The following PARD3 variants were observed in gnomAD, a reference collection of about 807,000 sequenced individuals.
The protein encoded by PARD3 is partitioning defective 3 homolog.
Under a neutral mutation model 155.4 loss-of-function variants are expected in PARD3, and 75 were observed. The ratio of observed to expected loss-of-function variants is 0.48; its 90% CI spans 0.40 to 0.58. PARD3 has a LOEUF of 0.58. Ranked by LOEUF, PARD3 falls within the 20% of genes least tolerant of loss-of-function variation. The pLI is 0.00. For synonymous variants in PARD3, 576 were observed against 610.5 expected, an observed-to-expected ratio of 0.94 and a Z score of 0.83; for missense variants, 1,642 against 1,721.7, an observed-to-expected ratio of 0.95 and a Z score of 0.82.
At chr10:34,723,762 A>AGTTCT in intron 1 of PARD3, among the ~76,000 whole-genome samples, 1 of 152,318 alleles carries the variant, frequency 6.6e-6, no homozygotes, top group Admixed American at 6.5e-5. Flanking sequence ...ATGCTCAAGT[A>AGTTCT]TTGATCACGG....
chr10:34,717,670 G>C (rs1254045049), intron 1 of PARD3, among the ~76,000 whole-genome samples: 2 of 151,914 alleles, frequency 1.3e-5, no homozygotes, highest in Non-Finnish European at 2.9e-5. Context: ...GAGCGTCCAC[G>C]TGGCTACTAC....
At chr10:34,177,232 T>G (rs1223751036) in intron 22 of PARD3, among the ~76,000 whole-genome samples, 2 of 152,220 alleles carry the variant, frequency 1.3e-5, no homozygotes, top group East Asian at 3.8e-4. Context: ...AATTTCACCA[T>G]AGCCCAGCAG....
chr10:34,382,702 C>T lies in PARD3; in HGVS notation c.1237G>A (p.Glu413Lys). Residue 413 changes from glutamate (E) to lysine (K), a missense_variant, in exon 9 of 25, where the codon GAG (glutamate) becomes AAG (lysine). This residue lies in a region of PARD3 where 1,529 missense variants were observed against 1,587.3 expected (regional missense o/e 0.96). Coordinates refer to ENST00000374788, the MANE Select transcript of PARD3 (RefSeq NM_001184785.2). ...AGTCTTGAGTGAGAGTCTATCTGCT[C>T]AGGCGGGTGGTTCAGTCGGGGTGCT... ...QRAPRLNHPP[E>K]QIDSHSRLPH... 1 of 1,614,180 alleles carries T rather than the reference C, an allele frequency of 6.2e-7. No individual in the cohort carries two copies. The highest frequency in any genetic ancestry group is 8.5e-7 in the Non-Finnish European group (1 of 1,180,036).
Position 34,243,139 on chromosome 10 carries a change from T to C in PARD3, c.3419+26518A>G, listed in dbSNP as rs140393178. On this transcript the variant is annotated intron_variant, in intron 22 of 24. Coordinates refer to ENST00000374788, the MANE Select transcript of PARD3 (RefSeq NM_001184785.2). ...AGAAAACAATTTTATATTGGGAATC[T>C]AAAAATAATCTATTTTACCACTATA... 9.2e-5 allele frequency among the ~76,000 whole-genome samples: 14 copies of C among 152,344 alleles called. No individual in the cohort carries two copies. The East Asian group carries it at 2.7e-3, about 29-fold the overall frequency.
intron 14 of PARD3, among the ~76,000 whole-genome samples, chr10:34,350,874 C>T (rs1044029015): frequency 6.6e-6 from 1 of 152,004 alleles, no homozygotes; most frequent in Non-Finnish European, 1.5e-5. Context: ...AACCCACACT[C>T]GGTAGGAGTG....
intron 22 of PARD3, among the ~76,000 whole-genome samples, chr10:34,179,154 G>A (rs1382473422): frequency 3.5e-5 from 5 of 142,840 alleles, no homozygotes; most frequent in Non-Finnish European, 6.0e-5. Context: ...TTTATAGCAC[G>A]CATGTGCGTG....
chr10:34,655,166 G>T (rs2093131106), intron 2 of PARD3, among the ~76,000 whole-genome samples: 1 of 151,498 alleles, frequency 6.6e-6, no homozygotes, highest in Admixed American at 6.6e-5. Context: ...CTGTGTTATA[G>T]TTACAATTTG....
At chr10:34,672,378 G>C (rs1247586882) in intron 2 of PARD3, among the ~76,000 whole-genome samples, 1 of 152,196 alleles carries the variant, frequency 6.6e-6, no homozygotes, top group Non-Finnish European at 1.5e-5. Context: ...TAACCAAGCA[G>C]CTACAGGTTC....
chr10:34,296,744 A>G (rs1388113049), intron 20 of PARD3, among the ~76,000 whole-genome samples: 7 of 152,196 alleles, frequency 4.6e-5, no homozygotes, highest in Admixed American at 4.6e-4. Flanking sequence ...ATATAAAAGT[A>G]TCAAAGCATT....
intron 18 of PARD3, among the ~76,000 whole-genome samples, chr10:34,334,973 A>G (rs1294372750): frequency 6.6e-6 from 1 of 151,924 alleles, no homozygotes; most frequent in African/African-American, 2.4e-5. Flanking sequence ...GACATTGTAT[A>G]TGAAGTCAGG....
chr10:34,413,142 TATACACAC>T lies in PARD3; in HGVS notation c.715-11233_715-11226del, dbSNP rs1406180034. On this transcript the variant is annotated intron_variant, in intron 5 of 24. Coordinates refer to ENST00000374788, the MANE Select transcript of PARD3 (RefSeq NM_001184785.2). ...AACATTAGGCAGTACTTCAGATATA[TATACACAC>T]ACACACACACACACACACACACACA... is the stretch of plus-strand genomic sequence containing the variant. Among the ~76,000 whole-genome samples, 590 of 132,550 alleles carry T rather than the reference TATACACAC, an allele frequency of 4.5e-3. 4 individuals are homozygous for T. The highest frequency in any genetic ancestry group is 0.011 in the African/African-American group (427 of 38,414). The allele number at this position is 132,550 out of a possible 152,430, so 87.0% of individuals were successfully genotyped here.
At chr10:34,554,265 G>A (rs1251576363) in intron 2 of PARD3, among the ~76,000 whole-genome samples, 1 of 152,286 alleles carries the variant, frequency 6.6e-6, no homozygotes, top group African/African-American at 2.4e-5. Flanking sequence ...TGTAGATCCT[G>A]TTTAAAATTC....
intron 5 of PARD3, among the ~76,000 whole-genome samples, chr10:34,405,967 G>T (rs752032790): frequency 1.3e-5 from 2 of 152,110 alleles, no homozygotes; most frequent in Non-Finnish European, 2.9e-5. Flanking sequence ...TGTCCACAAT[G>T]AAGACTTCTG....
In PARD3 at chr10:34,315,541, C is replaced by G. The variant is rs369316953; in HGVS notation, c.3065+1566G>C. Among the ~76,000 whole-genome samples the G allele has an allele frequency of 7.2e-5, 11 of 152,288 alleles. No homozygotes were observed. The East Asian group carries it at 1.3e-3, about 19-fold the overall frequency. ...CTACAAGTCTCAGGGGAAGGTTTCT[C>G]CCATCTCTAACCCTGTAATTTGAAG... On this transcript the variant is annotated intron_variant, in intron 20 of 24. Transcript: ENST00000374788.
At chr10:34,802,100 T>A (rs944649621) in intron 1 of PARD3, among the ~76,000 whole-genome samples, 2 of 152,204 alleles carry the variant, frequency 1.3e-5, no homozygotes, top group African/African-American at 4.8e-5. Flanking sequence ...GAAGTAGCAG[T>A]GTTGCGGCTG....
At chr10:34,542,987 G>C (rs913438999) in intron 2 of PARD3, among the ~76,000 whole-genome samples, 1 of 152,124 alleles carries the variant, frequency 6.6e-6, no homozygotes, top group Non-Finnish European at 1.5e-5. Flanking sequence ...TAGATGTTAG[G>C]ATTGACTTAA....
At chr10:34,148,646 C>G (rs376566872) in intron 22 of PARD3, among the ~76,000 whole-genome samples, 1 of 152,114 alleles carries the variant, frequency 6.6e-6, no homozygotes, top group Non-Finnish European at 1.5e-5. Context: ...TGGCATCATA[C>G]AGAACATTTA....
intron 2 of PARD3, among the ~76,000 whole-genome samples, chr10:34,577,915 A>G (rs964125252): frequency 2.6e-5 from 4 of 151,870 alleles, no homozygotes; most frequent in African/African-American, 4.8e-5. Context: ...GCAGGGGCAC[A>G]ATCAGAGCTC....
chr10:34,268,245 G>A (rs1301854339), intron 22 of PARD3, among the ~76,000 whole-genome samples: 1 of 152,066 alleles, frequency 6.6e-6, no homozygotes, highest in Non-Finnish European at 1.5e-5. Flanking sequence ...TCTCACACCA[G>A]TTAGAATGGT....
Sources: allele counts gnomAD v4.1 joint callset (sites outside exome capture counted in the v4.1 genomes callset), GRCh38; gene constraint gnomAD v4.1.1; regional missense constraint gnomAD v4.1.1; transcripts MANE v1.5; gene names NCBI Gene and HGNC (gene_info 2026-07-23, HGNC 2026-07-21).